Variants in CYB5R4 observed in about 807,000 individuals in gnomAD.
The protein encoded by CYB5R4 is N-terminal cytochrome b5 and cytochrome b5 oxidoreductase domain-containing protein.
In CYB5R4, 55 loss-of-function variants were observed where a neutral mutation model predicts 70.2. The observed-to-expected ratio is 0.78, with a 90% confidence interval of 0.63 to 0.98. The LOEUF (loss-of-function observed/expected upper bound fraction) is 0.98. CYB5R4 is among the 50% of genes least tolerant of loss of function. The pLI, the probability that CYB5R4 is intolerant of heterozygous loss-of-function variation, is 0.00. For synonymous variants in CYB5R4, 197 were observed against 199.5 expected (o/e 0.99, Z 0.11); for missense variants, 562 against 612.6 (o/e 0.92, Z 0.87).
At chr6:83,904,860 A>G (rs1170027761) in intron 3 of CYB5R4, among the ~76,000 whole-genome samples, 1 of 152,062 alleles carries the variant, frequency 6.6e-6, no homozygotes, top group African/African-American at 2.4e-5. Context: ...TTTAGAATCA[A>G]TAGTTTGAAT....
intron 2 of CYB5R4, among the ~76,000 whole-genome samples, chr6:83,870,431 A>G (rs961146374): frequency 6.9e-6 from 1 of 145,360 alleles, no homozygotes; most frequent in Non-Finnish European, 1.5e-5. Context: ...AATAGAGCTG[A>G]TTTATCTAAC....
At chr6:83,950,267 A>T (rs1458101916) in intron 14 of CYB5R4, among the ~76,000 whole-genome samples, 1 of 152,316 alleles carries the variant, frequency 6.6e-6, no homozygotes, top group Middle Eastern at 3.4e-3. Flanking sequence ...GATTCAATTC[A>T]CCACATTCCA....
chr6:83,922,519 A>G (rs767091736), intron 9 of CYB5R4, 49 bp downstream of exon 9: 1 of 1,310,806 alleles, frequency 7.6e-7, no homozygotes, highest in East Asian at 2.3e-5. Flanking sequence ...ATATACACAT[A>G]CCTACAGAGA....
In CYB5R4 at chr6:83,896,496, C is replaced by T. The variant is rs1227319406; in HGVS notation, c.330+2874C>T. Reference sequence around the variant, plus strand: ...GTCAATGAGATCAAATTTTGTAGCTCCTATGAGTGAAAACATGCAGTATTT... The same window carrying T: ...GTCAATGAGATCAAATTTTGTAGCTTCTATGAGTGAAAACATGCAGTATTT... On this transcript the variant is annotated intron_variant, in intron 3 of 15. Transcript: ENST00000369681. 2.0e-5 allele frequency among the ~76,000 whole-genome samples: 3 copies of T among 152,134 alleles called. No individual in the cohort carries two copies. In the South Asian group the frequency reaches 6.2e-4, roughly 31 times the overall value.
intron 2 of CYB5R4, among the ~76,000 whole-genome samples, chr6:83,881,644 C>T (rs1325578657): frequency 1.3e-5 from 2 of 152,186 alleles, no homozygotes; most frequent in Non-Finnish European, 2.9e-5. Context: ...CTTCATTCTT[C>T]TAAGTATGTT....
intron 2 of CYB5R4, among the ~76,000 whole-genome samples, chr6:83,881,516 C>T (rs1206321564): frequency 1.3e-5 from 2 of 152,198 alleles, no homozygotes. Context: ...ACTTCTTACA[C>T]TATGACTTTC....
chr6:83,950,076 T>A (rs1305681991), intron 14 of CYB5R4, among the ~76,000 whole-genome samples: 1 of 152,198 alleles, frequency 6.6e-6, no homozygotes, highest in African/African-American at 2.4e-5. Flanking sequence ...TCATTTTCCC[T>A]AATTACTGCC....
chr6:83,896,530 G>A (rs1018426366), intron 3 of CYB5R4, among the ~76,000 whole-genome samples: 1 of 152,170 alleles, frequency 6.6e-6, no homozygotes, highest in Non-Finnish European at 1.5e-5. Flanking sequence ...TTGTCTTTCT[G>A]TGTCTGTGTA....
At chr6:83,943,518 G>A (rs550506856) in intron 14 of CYB5R4, among the ~76,000 whole-genome samples, 13 of 152,150 alleles carry the variant, frequency 8.5e-5, no homozygotes, top group African/African-American at 2.9e-4. Context: ...AAAAACCTAT[G>A]CAAAAAGGCT....
intron 2 of CYB5R4, among the ~76,000 whole-genome samples, chr6:83,875,557 G>C (rs554736920): frequency 2.0e-5 from 3 of 152,146 alleles, no homozygotes; most frequent in Non-Finnish European, 4.4e-5. Context: ...GTGCAAGAAA[G>C]AATTCAGGAC....
chr6:83,898,329 G>C (rs1171548804), intron 3 of CYB5R4, among the ~76,000 whole-genome samples: 1 of 152,116 alleles, frequency 6.6e-6, no homozygotes, highest in Non-Finnish European at 1.5e-5. Context: ...CTATATCTCT[G>C]TTTTGGTACC....
At chr6:83,937,481 G>A (rs2099469101) in intron 12 of CYB5R4, among the ~76,000 whole-genome samples, 1 of 152,054 alleles carries the variant, frequency 6.6e-6, no homozygotes, top group South Asian at 2.1e-4. Context: ...ACCTGGCATG[G>A]CAGTTGGTAC....
At chr6:83,892,122 G>C (rs533817635) in intron 2 of CYB5R4, among the ~76,000 whole-genome samples, 2 of 152,102 alleles carry the variant, frequency 1.3e-5, no homozygotes, top group Non-Finnish European at 2.9e-5. Flanking sequence ...GGGACTCTAG[G>C]CATATGGGGA....
chr6:83,870,013 A>C (rs1214111596), intron 2 of CYB5R4, among the ~76,000 whole-genome samples: 1 of 152,204 alleles, frequency 6.6e-6, no homozygotes, highest in Non-Finnish European at 1.5e-5. Context: ...GACCTGAGTT[A>C]TAGTGAGTTA....
intron 5 of CYB5R4, among the ~76,000 whole-genome samples, 158 bp from the exon 6 acceptor site, chr6:83,917,847 G>A (rs930077383): frequency 5.9e-5 from 9 of 152,012 alleles, no homozygotes; most frequent in Non-Finnish European, 8.8e-5. Context: ...ACTTTATCAC[G>A]GCCTTTTGGC....
chr6:83,941,161 GA>G (rs753774100), intron 14 of CYB5R4, among the ~76,000 whole-genome samples: 11 of 152,052 alleles, frequency 7.2e-5, no homozygotes, highest in Non-Finnish European at 1.3e-4. Context: ...ACAGATAATA[GA>G]AAAAAGTTCT....
At chr6:83,908,265 T>C (rs2099464123) in intron 3 of CYB5R4, among the ~76,000 whole-genome samples, 1 of 152,196 alleles carries the variant, frequency 6.6e-6, no homozygotes, top group African/African-American at 2.4e-5. Context: ...GATGACTGCA[T>C]GTATGTCTTC....
In CYB5R4 at chr6:83,908,718, A is replaced by G. The variant is rs559172851; in HGVS notation, c.331-291A>G. Among the ~76,000 whole-genome samples the G allele has an allele frequency of 1.1e-4, 17 of 152,322 alleles. No individual in the cohort carries two copies. In the Middle Eastern group the frequency reaches 0.01, roughly 91 times the overall value. On this transcript the variant is annotated intron_variant, in intron 3 of 15. Coordinates refer to ENST00000369681, the MANE Select transcript of CYB5R4 (RefSeq NM_016230.4). ...TCAGAGCAAATGTCAAAACTGAAAA[A>G]AAAGTGAGTAACTTTTTATTAGTAT...
intron 14 of CYB5R4, among the ~76,000 whole-genome samples, chr6:83,950,326 C>A (rs1223759859): frequency 6.6e-6 from 1 of 152,114 alleles, no homozygotes; most frequent in Non-Finnish European, 1.5e-5. Context: ...TGAGACAAAA[C>A]ATAAGGCAAA....
Sources: gnomAD v4.1 joint callset for allele counts (sites outside exome capture counted in the v4.1 genomes callset) on GRCh38, gnomAD v4.1.1 for gene constraint, MANE v1.5 for transcripts, NCBI Gene and HGNC (gene_info 2026-07-23, HGNC 2026-07-21) for gene names.